NCAPH2: variants seen among roughly 807,000 people sequenced by gnomAD.
NCAPH2 encodes the protein non-SMC condensin II complex subunit H2, also known as condensin-2 complex subunit H2.
A neutral mutation model predicts 88.6 loss-of-function variants in NCAPH2; 56 were observed. The observed-to-expected ratio is 0.63, with a 90% CI of 0.51 to 0.79. NCAPH2 has a LOEUF of 0.79. NCAPH2 is among the 30% of genes least tolerant of loss of function. The pLI, the probability that NCAPH2 is intolerant of heterozygous loss-of-function variation, is 0.00. For missense variants in NCAPH2, 794 were observed against 792.0 expected, an observed-to-expected ratio of 1.00 and a Z score of -0.03; for synonymous variants, 378 against 313.6, an observed-to-expected ratio of 1.21 and a Z score of -2.17.
rs1476851448 is a variant in NCAPH2 at position 50,522,506 on chromosome 22, T to A, written c.1312T>A (p.Phe438Ile). ...SLEDLGAADD[F>I]LEPEEYMEPE... ...ACTCTCCCACCTCCCAGCAGATGAC[T>A]TTCTAGAGCCTGAGGAGTACATGGA... Residue 438 changes from phenylalanine to isoleucine, a missense_variant, in exon 16 of 20, where the codon TTT becomes ATT. This residue lies in a region of NCAPH2 where 735 missense variants were observed against 696.3 expected (regional missense o/e 1.06). Transcript: ENST00000420993. 6.2e-7 allele frequency: 1 copy of A among 1,613,430 alleles called. No homozygotes were observed. Among genetic ancestry groups the A allele is most frequent in the Non-Finnish European group, 8.5e-7 (1 of 1,179,902 alleles).
chr22:50,521,393 T>A (rs933630008), intron 10 of NCAPH2, 150 bp from the exon 11 acceptor site: 9 of 799,656 alleles, frequency 1.1e-5, no homozygotes, highest in Non-Finnish European at 1.9e-5. Flanking sequence ...TTTGGGAGGG[T>A]GGCTGTGCAC....
Position 50,521,698 on chromosome 22 carries a change from C to T in NCAPH2, c.1001-43C>T, listed in dbSNP as rs773394158. On this transcript the variant is annotated intron_variant, in intron 11 of 19. Transcript: ENST00000420993. ...GGGGGGTGGGAGTGGGCTTTGCACCCTGATCCCCCAGCGGCTCTAAGACAG... is the reference window on the plus strand; with the variant it reads ...GGGGGGTGGGAGTGGGCTTTGCACCTTGATCCCCCAGCGGCTCTAAGACAG... 1.1e-5 allele frequency: 17 copies of T among 1,612,412 alleles called. No homozygotes were observed. In the South Asian group the frequency reaches 1.8e-4, roughly 17 times the overall value.
At chr22:50,518,802 G>A (rs1292507410) in intron 8 of NCAPH2, 70 bp downstream of exon 8, 1 of 1,434,798 alleles carries the variant, frequency 7.0e-7, no homozygotes, top group Non-Finnish European at 9.5e-7. Context: ...AGCACCCAGT[G>A]GACAGGGCTC....
chr22:50,521,483 T>G, intron 10 of NCAPH2, 60 bp from the exon 11 acceptor site: 2 of 1,557,422 alleles, frequency 1.3e-6, no homozygotes, highest in Non-Finnish European at 1.8e-6. Flanking sequence ...CCCTACTCCT[T>G]TGGGAGGGAC....
In NCAPH2 at chr22:50,523,355, C is replaced by T; in HGVS notation, c.1798C>T (p.Pro600Ser). 6.4e-7 allele frequency: 1 copy of T among 1,552,868 alleles called. No individual in the cohort carries two copies. Among genetic ancestry groups the T allele is most frequent in the South Asian group, 1.2e-5 (1 of 84,804 alleles). The change falls in exon 20 of 20, where the codon CCC becomes TCC. Residue 600 changes from proline (P) to serine (S), a missense_variant. Transcript: ENST00000420993. ...CAAGCGCTTCCAGACCTACGCTGCCCCCTCCATGGCCCAGCCCTGAGTGGG... is the reference window on the plus strand; with the variant it reads ...CAAGCGCTTCCAGACCTACGCTGCCTCCTCCATGGCCCAGCCCTGAGTGGG... ...AHKRFQTYAA[P>S]SMAQP
Position 50,517,609 on chromosome 22 carries a change from A to T in NCAPH2, c.299A>T (p.Asp100Val). 2 of 1,614,072 alleles carry T rather than the reference A, an allele frequency of 1.2e-6. No individual in the cohort carries two copies. The highest frequency in any genetic ancestry group is 1.7e-6 in the Non-Finnish European group (2 of 1,180,036). The change falls in exon 4 of 20, where the codon GAC (aspartate) becomes GTC (valine). Residue 100 changes from aspartate (D) to valine (V), a missense_variant. Around this residue, in one of 2 missense-constraint regions of NCAPH2, gnomAD observed 735 missense variants for 696.3 expected, o/e 1.06. Coordinates refer to ENST00000420993, the MANE Select transcript of NCAPH2 (RefSeq NM_152299.4). ...RAKQLSSVQE[D>V]RANGVASSGV... ...AAGCAGCTCTCTTCGGTGCAGGAGGACAGGGCCAATGGGGTTGCCAGCTCC... is the reference window on the plus strand; with the variant it reads ...AAGCAGCTCTCTTCGGTGCAGGAGGTCAGGGCCAATGGGGTTGCCAGCTCC...
At chr22:50,511,908 A>G (rs1038906100) in intron 1 of NCAPH2, among the ~76,000 whole-genome samples, 4 of 152,130 alleles carry the variant, frequency 2.6e-5, no homozygotes, top group Admixed American at 6.5e-5. Context: ...CGGCCTCCCA[A>G]AATGCTGGGA....
Position 50,516,505 on chromosome 22 carries a change from C to A in NCAPH2, c.167C>A (p.Ala56Glu). The A allele has an allele frequency of 6.2e-7, 1 of 1,614,198 alleles. No individual in the cohort carries two copies. The highest frequency in any genetic ancestry group is 8.5e-7 in the Non-Finnish European group (1 of 1,180,030). The change falls in exon 2 of 20, where the codon GCA becomes GAA. Residue 56 changes from alanine to glutamate, a missense_variant. Ala to Glu is a moderately radical substitution (Grantham distance 107). Coordinates refer to ENST00000420993, the MANE Select transcript of NCAPH2 (RefSeq NM_152299.4). ...EGKTTMNFIE[A>E]ALLIQGSACV... is the part of the protein sequence containing the mutation. ...AAGACCACAATGAACTTCATTGAGG[C>A]AGCGTTGTTGATCCAGGGCTCTGCC...
chr22:50,522,000 G>A lies in NCAPH2; in HGVS notation c.1123G>A (p.Asp375Asn), dbSNP rs777508999. 27 of 1,613,894 alleles carry A rather than the reference G, an allele frequency of 1.7e-5. No homozygotes were observed. The highest frequency in any genetic ancestry group is 4.0e-5 in the African/African-American group (3 of 74,952). The change falls in exon 13 of 20, where the codon GAC (aspartate) becomes AAC (asparagine). Residue 375 changes from aspartate (D) to asparagine (N), a missense_variant. Asp to Asn is a conservative substitution (Grantham distance 23). Around this residue, in one of 2 missense-constraint regions of NCAPH2, gnomAD observed 735 missense variants for 696.3 expected, o/e 1.06. Transcript: ENST00000420993. Reference sequence around the variant, plus strand: ...TTCTTTCACAGATGCAGACCATGCCGACAGCAGGCGGCTTCGGCGAAAGGG... The same window carrying A: ...TTCTTTCACAGATGCAGACCATGCCAACAGCAGGCGGCTTCGGCGAAAGGG... ...WYLAAYADHA[D>N]SRRLRRKGPS...
chr22:50,524,571 C>G lies in NCAPH2; in HGVS notation c.*1196C>G, dbSNP rs1384630235. The G allele has an allele frequency of 2.6e-6, 2 of 756,388 alleles. No homozygotes were observed. The highest frequency in any genetic ancestry group is 4.0e-5 in the Admixed American group (2 of 49,964). 46.9% of individuals were successfully genotyped at this position (756,388 alleles called of 1,614,324 possible). A position where few individuals can be genotyped will look rare whatever the true frequency, so the allele number is the denominator to read the frequency against. Reference sequence around the variant, plus strand: ...GCATTTGCAGCTGCTCACCTGAGCTCAGAACTCCACCTCCACCAAACATCC... The same window carrying G: ...GCATTTGCAGCTGCTCACCTGAGCTGAGAACTCCACCTCCACCAAACATCC... On this transcript the variant is annotated 3_prime_UTR_variant, in exon 20 of 20. Coordinates refer to ENST00000420993, the MANE Select transcript of NCAPH2 (RefSeq NM_152299.4).
Position 50,524,682 on chromosome 22 carries a change from A to G in NCAPH2, c.*1307A>G, listed in dbSNP as rs1228982353. On this transcript the variant is annotated 3_prime_UTR_variant, in exon 20 of 20. Transcript: ENST00000420993. Reference sequence around the variant, plus strand: ...GCACCCTGCCCTGCACCTGCACCTCAGCAAGGTGAACCTCTTGCTGACGGA... The same window carrying G: ...GCACCCTGCCCTGCACCTGCACCTCGGCAAGGTGAACCTCTTGCTGACGGA... 7 of 672,810 alleles carry G rather than the reference A, an allele frequency of 1.0e-5. No individual in the cohort carries two copies. Among genetic ancestry groups the G allele is most frequent in the Non-Finnish European group, 2.0e-5 (7 of 356,776 alleles). The allele number at this position is 672,810 out of a possible 1,614,324, so 41.7% of individuals were successfully genotyped here.
rs749741953 is a variant in NCAPH2 at position 50,523,567 on chromosome 22, A to AT, written c.*194dup. 6 of 1,605,058 alleles carry AT rather than the reference A, an allele frequency of 3.7e-6. No individual in the cohort carries two copies. On this transcript the variant is annotated 3_prime_UTR_variant, in exon 20 of 20. Transcript: ENST00000420993. ...TGGTACAGATCACACACACACACAG[A>AT]TTAAACGCAGCCCGTTTAATGATGG...
At position 50,523,360 on chromosome 22, in the gene NCAPH2, CATG is replaced by C; in HGVS notation, c.1804_1806del (p.Met602del). On this transcript the variant is annotated inframe_deletion, in exon 20 of 20. Transcript: ENST00000420993. Reference sequence around the variant, plus strand: ...GCTTCCAGACCTACGCTGCCCCCTCCATGGCCCAGCCCTGAGTGGGGAGCACCG... The same window carrying C: ...GCTTCCAGACCTACGCTGCCCCCTCCGCCCAGCCCTGAGTGGGGAGCACCG... 6.4e-7 allele frequency: 1 copy of C among 1,551,290 alleles called. No individual in the cohort carries two copies. The highest frequency in any genetic ancestry group is 8.7e-7 in the Non-Finnish European group (1 of 1,147,808).
At chr22:50,519,363 G>C in intron 9 of NCAPH2, 43 bp downstream of exon 9, 1 of 1,606,190 alleles carries the variant, frequency 6.2e-7, no homozygotes, top group Non-Finnish European at 8.5e-7. Flanking sequence ...GCTGTGAACT[G>C]GCAACCCTGG....
intron 1 of NCAPH2, among the ~76,000 whole-genome samples, chr22:50,513,208 C>T (rs2068831936): frequency 6.6e-6 from 1 of 152,260 alleles, no homozygotes; most frequent in African/African-American, 2.4e-5. Context: ...TCCACCCCTG[C>T]GTGTGACTTT....
chr22:50,508,257 C>T lies in NCAPH2; in HGVS notation c.-81C>T, dbSNP rs2068679067. On this transcript the variant is annotated 5_prime_UTR_variant, in exon 1 of 20. Transcript: ENST00000420993. ...CTGGGCGGGAACAGCAAAATGGCGCCAGAACTAGTGGCGGGCTGAGGACGC... is the reference window on the plus strand; with the variant it reads ...CTGGGCGGGAACAGCAAAATGGCGCTAGAACTAGTGGCGGGCTGAGGACGC... The T allele has an allele frequency of 9.2e-7, 1 of 1,081,774 alleles. No individual in the cohort carries two copies. The highest frequency in any genetic ancestry group is 3.7e-5 in the Admixed American group (1 of 27,238). The allele number at this position is 1,081,774 out of a possible 1,614,324, so 67.0% of individuals were successfully genotyped here. A position where few individuals can be genotyped will look rare whatever the true frequency, so the allele number is the denominator to read the frequency against.
chr22:50,513,990 C>T (rs1408452603), intron 1 of NCAPH2, among the ~76,000 whole-genome samples: 2 of 152,164 alleles, frequency 1.3e-5, no homozygotes, highest in African/African-American at 4.8e-5. Flanking sequence ...CCTATAATCC[C>T]AGCTACTCAG....
Position 50,522,692 on chromosome 22 carries a change from G to A in NCAPH2, c.1397G>A (p.Ser466Asn). The change falls in exon 17 of 20, where the codon AGC (serine) becomes AAC (asparagine). Residue 466 changes from serine to asparagine, a missense_variant. Physicochemically the swap from Ser to Asn is conservative, Grantham distance 46. Transcript: ENST00000420993. ...ADLDAVPMSLSYEELVRRNVE... is the reference protein window; with the variant it reads ...ADLDAVPMSLNYEELVRRNVE... ...CCAGACGCAGTGCCGATGTCCCTGA[G>A]CTACGAGGAGCTGGTTCGAAGGAAT... The A allele has an allele frequency of 1.9e-6, 3 of 1,613,722 alleles. No homozygotes were observed. Among genetic ancestry groups the A allele is most frequent in the Non-Finnish European group, 2.5e-6 (3 of 1,180,012 alleles).
At position 50,524,525 on chromosome 22, in the gene NCAPH2, G is replaced by T; in HGVS notation, c.*1150G>T. On this transcript the variant is annotated 3_prime_UTR_variant, in exon 20 of 20. Coordinates refer to ENST00000420993, the MANE Select transcript of NCAPH2 (RefSeq NM_152299.4). Reference sequence around the variant, plus strand: ...ACCAGCCACCCATCTGAAGGACCCAGCCCACGTTCAGGCTTAACAGGCATT... The same window carrying T: ...ACCAGCCACCCATCTGAAGGACCCATCCCACGTTCAGGCTTAACAGGCATT... 9.3e-7 allele frequency: 1 copy of T among 1,078,094 alleles called. No individual in the cohort carries two copies. The highest frequency in any genetic ancestry group is 1.4e-6 in the Non-Finnish European group (1 of 713,644). 66.8% of individuals were successfully genotyped at this position (1,078,094 alleles called of 1,614,324 possible).
Sources: allele counts gnomAD v4.1 joint callset (sites outside exome capture counted in the v4.1 genomes callset), GRCh38; gene constraint gnomAD v4.1.1; regional missense constraint gnomAD v4.1.1; transcripts MANE v1.5; gene names NCBI Gene and HGNC (gene_info 2026-07-23, HGNC 2026-07-21).